LAMA3: variants seen among roughly 807,000 people sequenced by gnomAD.
LAMA3 encodes laminin subunit alpha-3.
Under a neutral mutation model 402.0 loss-of-function variants are expected in LAMA3, and 281 were observed. The ratio of observed to expected loss-of-function variants is 0.70; its 90% confidence interval spans 0.63 to 0.77. The LOEUF (loss-of-function observed/expected upper bound fraction) is 0.77, where lower values mean the gene tolerates loss of function less well. Ranked by LOEUF, LAMA3 falls within the 30% of genes least tolerant of loss-of-function variation. The probability of loss-of-function intolerance (pLI) is 0.00; values close to 1 mark genes in which losing one functional copy is unlikely to be tolerated. For synonymous variants in LAMA3, 1,431 were observed against 1,558.4 expected (o/e 0.92, Z 1.93); for missense variants, 3,840 against 4,215.5 (o/e 0.91, Z 2.47).
chr18:23,846,999 A>T (rs1598911368), intron 31 of LAMA3, among the ~76,000 whole-genome samples: 1 of 152,318 alleles, frequency 6.6e-6, no homozygotes, highest in African/African-American at 2.4e-5. Flanking sequence ...GGGTAAGCTC[A>T]CTTCACGTGA....
At chr18:23,842,876 A>G (rs2063735720) in intron 29 of LAMA3, 126 bp downstream of exon 29, 1 of 1,221,006 alleles carries the variant, frequency 8.2e-7, no homozygotes. Context: ...AAAAATGTTT[A>G]AATTTTACAG....
At chr18:23,873,150 C>T (rs757809747) in intron 38 of LAMA3, 13 of 1,614,148 alleles carry the variant, frequency 8.1e-6, no homozygotes, top group Non-Finnish European at 1.1e-5. Flanking sequence ...GCAAAGGGTG[C>T]CATTTCTTCA....
rs1261716701 is a variant in LAMA3, at chr18:23,905,575, T to C, written c.6669T>C (p.Ser2223=). The change falls in exon 52 of 75, where the codon AGT becomes AGC. Residue 2223 remains serine, a synonymous_variant. Transcript: ENST00000313654. ...AAGCTAAAACCCTGAGTTCCAACAG[T>C]GATAAACTGTTAAATGAAGCCAAGA... ...PRKAKTLSSN[S]DKLLNEAKMT... The C allele has an allele frequency of 6.2e-7, 1 of 1,612,040 alleles. No homozygotes were observed. Among genetic ancestry groups the C allele is most frequent in the Non-Finnish European group, 8.5e-7 (1 of 1,178,652 alleles).
At chr18:23,828,001 G>T (rs560828752) in intron 23 of LAMA3, among the ~76,000 whole-genome samples, 79 of 152,246 alleles carry the variant, frequency 5.2e-4, no homozygotes, top group African/African-American at 1.8e-3. Context: ...TTTCTTCCAG[G>T]AGTTCTTCGA....
chr18:23,885,763 A>G (rs1343622632), intron 41 of LAMA3, among the ~76,000 whole-genome samples: 2 of 152,228 alleles, frequency 1.3e-5, no homozygotes, highest in African/African-American at 4.8e-5. Context: ...TTATAAAATG[A>G]TGAAAAACAA....
chr18:23,875,052 A>G (rs911779740), intron 38 of LAMA3, among the ~76,000 whole-genome samples: 1 of 152,116 alleles, frequency 6.6e-6, no homozygotes, highest in African/African-American at 2.4e-5. Flanking sequence ...TTTGGTAGAG[A>G]TGAGGTTTCA....
chr18:23,770,014 C>T (rs1207262822), intron 8 of LAMA3, among the ~76,000 whole-genome samples: 8 of 152,106 alleles, frequency 5.3e-5, no homozygotes, highest in African/African-American at 1.9e-4. Context: ...AAAGACATTT[C>T]GTAATGCTAA....
chr18:23,869,021 G>A (rs1263873405), intron 37 of LAMA3, among the ~76,000 whole-genome samples: 4 of 152,034 alleles, frequency 2.6e-5, no homozygotes, highest in African/African-American at 4.8e-5. Context: ...CTTGCTATAA[G>A]ACACAAAAAA....
intron 66 of LAMA3, 138 bp downstream of exon 66, chr18:23,932,429 C>T: frequency 1.0e-6 from 1 of 973,196 alleles, no homozygotes; most frequent in Non-Finnish European, 1.6e-6. Context: ...TTCAAAATGC[C>T]ATCTTTGGCA....
chr18:23,772,228 G>A (rs184531563), intron 8 of LAMA3, among the ~76,000 whole-genome samples: 80 of 152,236 alleles, frequency 5.3e-4, no homozygotes, highest in African/African-American at 1.9e-3. Flanking sequence ...TTTTAGCAGA[G>A]ACGGGGTTTC....
chr18:23,812,928 C>A, intron 13 of LAMA3, 129 bp from the exon 14 acceptor site: 1 of 690,418 alleles, frequency 1.4e-6, no homozygotes, highest in Admixed American at 2.1e-5. Context: ...GCAGACTTTG[C>A]CACACATCTA....
In LAMA3 at chr18:23,903,017, G is replaced by A; in HGVS notation, c.6210G>A (p.Val2070=). The stretch of plus-strand genomic sequence containing the variant: ...TTTTTTATTTTCTCCAGAGACAAGT[G>A]AAAGAAATAAATTCCCTGCAGAGTG... ...ERALGAIQRQ[V]KEINSLQSDF... The change falls in exon 49 of 75, where the codon GTG becomes GTA. Residue 2070 remains valine, a synonymous_variant. Coordinates refer to ENST00000313654, the MANE Select transcript of LAMA3 (RefSeq NM_198129.4). 6.2e-7 allele frequency: 1 copy of A among 1,601,076 alleles called. No homozygotes were observed. Among genetic ancestry groups the A allele is most frequent in the East Asian group, 2.2e-5 (1 of 44,816 alleles).
intron 32 of LAMA3, among the ~76,000 whole-genome samples, chr18:23,852,323 T>C (rs1279712573): frequency 6.6e-6 from 1 of 152,262 alleles, no homozygotes; most frequent in African/African-American, 2.4e-5. Flanking sequence ...GTCTGTGAAC[T>C]TGAGACAATG....
chr18:23,943,269 G>GT (rs2082587883), intron 68 of LAMA3, among the ~76,000 whole-genome samples: 1 of 152,154 alleles, frequency 6.6e-6, no homozygotes, highest in Non-Finnish European at 1.5e-5. Context: ...GTAGAGTGGT[G>GT]GTTTGTTGTC....
At chr18:23,692,621 T>C (rs2060613434) in intron 1 of LAMA3, among the ~76,000 whole-genome samples, 1 of 152,164 alleles carries the variant, frequency 6.6e-6, no homozygotes, top group South Asian at 2.1e-4. Flanking sequence ...AAATCTTTTG[T>C]TGGAAAATAT....
chr18:23,815,613 G>A, intron 17 of LAMA3, 40 bp downstream of exon 17: 1 of 1,226,106 alleles, frequency 8.2e-7, no homozygotes, highest in Non-Finnish European at 1.2e-6. Flanking sequence ...GCACAGTGTT[G>A]ATGGACAAAG....
intron 2 of LAMA3, among the ~76,000 whole-genome samples, chr18:23,717,840 A>T (rs1448038893): frequency 6.7e-6 from 1 of 148,750 alleles, no homozygotes; most frequent in Non-Finnish European, 1.5e-5. Context: ...AAGTGCTGGG[A>T]TTACAGGCAT....
In LAMA3 at chr18:23,758,428, G is replaced by A; in HGVS notation, c.980G>A (p.Gly327Glu). 6.2e-7 allele frequency: 1 copy of A among 1,614,172 alleles called. No homozygotes were observed. Among genetic ancestry groups the A allele is most frequent in the Non-Finnish European group, 8.5e-7 (1 of 1,180,010 alleles). The part of the protein sequence containing the change: ...FRCECQHHTC[G>E]ETCDRCCTGY... ...TGTGAATGCCAGCACCACACCTGTGGGGAGACGTGTGATCGCTGCTGCACA... is the reference window on the plus strand; with the variant it reads ...TGTGAATGCCAGCACCACACCTGTGAGGAGACGTGTGATCGCTGCTGCACA... Residue 327 changes from glycine (G) to glutamate (E), a missense_variant, in exon 7 of 75, where the codon GGG (glycine) becomes GAG (glutamate). By Grantham distance (98) the Gly-to-Glu change is moderately conservative. Transcript: ENST00000313654.
chr18:23,877,340 T>C (rs1368852989), intron 39 of LAMA3, among the ~76,000 whole-genome samples: 1 of 152,262 alleles, frequency 6.6e-6, no homozygotes, highest in East Asian at 1.9e-4. Context: ...ATTTTTCTTA[T>C]GCATCCTGAA....
Sources: gnomAD v4.1 joint callset for allele counts (sites outside exome capture counted in the v4.1 genomes callset) on GRCh38, gnomAD v4.1.1 for gene constraint, MANE v1.5 for transcripts, NCBI Gene and HGNC (gene_info 2026-07-23, HGNC 2026-07-21) for gene names.